The following MAN1A1 variants were observed in gnomAD, a reference collection of about 807,000 sequenced individuals.
The protein encoded by MAN1A1 is mannosidase alpha class 1A member 1.
Under a neutral mutation model 70.8 loss-of-function variants are expected in MAN1A1, and 29 were observed. The observed-to-expected ratio is 0.41, with a 90% confidence interval of 0.31 to 0.56. The LOEUF (loss-of-function observed/expected upper bound fraction) is 0.56. Ranked by LOEUF, MAN1A1 falls within the 20% of genes least tolerant of loss-of-function variation. The pLI is 0.29. For missense variants in MAN1A1, 747 were observed against 841.3 expected, an observed-to-expected ratio of 0.89 and a Z score of 1.39; for synonymous variants, 349 against 330.1, an observed-to-expected ratio of 1.06 and a Z score of -0.62.
At chr6:119,270,519 T>C (rs1032744769) in intron 5 of MAN1A1, among the ~76,000 whole-genome samples, 24 of 152,174 alleles carry the variant, frequency 1.6e-4, no homozygotes, top group African/African-American at 5.8e-4. Context: ...TCACTCCCCA[T>C]TTCCCTCCAA....
chr6:119,275,218 C>T (rs12196627), intron 5 of MAN1A1, among the ~76,000 whole-genome samples: 13 of 140,072 alleles, frequency 9.3e-5, no homozygotes, highest in Non-Finnish European at 1.7e-4. Context: ...TCAAGCAATT[C>T]TCCTGCCTCA....
chr6:119,192,751 C>T (rs1001789452), intron 9 of MAN1A1, among the ~76,000 whole-genome samples: 3 of 151,868 alleles, frequency 2.0e-5, no homozygotes, highest in Non-Finnish European at 4.4e-5. Flanking sequence ...ATATGTATTA[C>T]CACATAAAAT....
chr6:119,318,464 T>C (rs1562240513), intron 2 of MAN1A1, among the ~76,000 whole-genome samples: 1 of 152,204 alleles, frequency 6.6e-6, no homozygotes, highest in African/African-American at 2.4e-5. Context: ...GTGTGACCCA[T>C]GCAATCTGGG....
intron 6 of MAN1A1, among the ~76,000 whole-genome samples, chr6:119,240,517 G>A (rs1279326804): frequency 2.6e-5 from 4 of 152,018 alleles, no homozygotes; most frequent in African/African-American, 7.2e-5. Context: ...TGTGTTCAGA[G>A]GCAGATATGG....
chr6:119,298,058 C>G (rs565015840), intron 4 of MAN1A1, among the ~76,000 whole-genome samples: 1 of 152,188 alleles, frequency 6.6e-6, no homozygotes, highest in South Asian at 2.1e-4. Context: ...AGGGTAAATG[C>G]CTGATCCTTA....
At chr6:119,193,586 C>T (rs953232553) in intron 9 of MAN1A1, among the ~76,000 whole-genome samples, 191 bp downstream of exon 9, 2 of 152,134 alleles carry the variant, frequency 1.3e-5, no homozygotes, top group Admixed American at 1.3e-4. Flanking sequence ...AAAACTTTAA[C>T]GGCCCTATTA....
intron 6 of MAN1A1, among the ~76,000 whole-genome samples, chr6:119,221,240 A>C (rs1181931590): frequency 6.6e-6 from 1 of 152,164 alleles, no homozygotes; most frequent in Admixed American, 6.5e-5. Flanking sequence ...AATATTAAAA[A>C]GCATAAAAAA....
At chr6:119,323,387 AC>A (rs1773067723) in intron 2 of MAN1A1, among the ~76,000 whole-genome samples, 1 of 152,190 alleles carries the variant, frequency 6.6e-6, no homozygotes, top group African/African-American at 2.4e-5. Context: ...ATACCATGAG[AC>A]AAATGTATTT....
At chr6:119,218,529 CT>C (rs1269414540) in intron 6 of MAN1A1, among the ~76,000 whole-genome samples, 1 of 151,826 alleles carries the variant, frequency 6.6e-6, no homozygotes, top group Non-Finnish European at 1.5e-5. Flanking sequence ...CAAATAAGGT[CT>C]TTTCAATGTC....
rs544784990 is a variant in MAN1A1 at position 119,243,405 on chromosome 6, T to G, written c.992+4855A>C. On this transcript the variant is annotated intron_variant, in intron 6 of 12. Transcript: ENST00000368468. ...ATTTAATAATGCAGAAATTTATGCT[T>G]TAACTGTCAAGTAAAAACATAGGGA... 4.3e-4 allele frequency among the ~76,000 whole-genome samples: 65 copies of G among 152,218 alleles called. 3 individuals carry two copies. In the South Asian group the frequency reaches 0.013, roughly 31 times the overall value.
chr6:119,335,713 T>C (rs1041667880), intron 2 of MAN1A1, among the ~76,000 whole-genome samples: 12 of 152,174 alleles, frequency 7.9e-5, no homozygotes, highest in African/African-American at 2.7e-4. Context: ...CATGAGGACA[T>C]GGATTTTGAG....
chr6:119,322,676 C>T (rs750632793), intron 2 of MAN1A1, among the ~76,000 whole-genome samples: 16 of 152,268 alleles, frequency 1.1e-4, no homozygotes, highest in Admixed American at 3.9e-4. Flanking sequence ...GTGTTTAATC[C>T]GTCTCTTTTC....
chr6:119,257,016 T>C (rs985196833), intron 5 of MAN1A1, among the ~76,000 whole-genome samples: 8 of 152,140 alleles, frequency 5.3e-5, no homozygotes, highest in African/African-American at 1.9e-4. Flanking sequence ...AAGTGATACA[T>C]GCTGTAACTG....
At chr6:119,245,438 G>A (rs1775144572) in intron 6 of MAN1A1, among the ~76,000 whole-genome samples, 1 of 152,114 alleles carries the variant, frequency 6.6e-6, no homozygotes, top group Admixed American at 6.6e-5. Flanking sequence ...ATGTACAAAT[G>A]ACACCAACAG....
intron 6 of MAN1A1, among the ~76,000 whole-genome samples, chr6:119,215,976 C>T (rs1774189606): frequency 6.6e-6 from 1 of 152,108 alleles, no homozygotes; most frequent in Admixed American, 6.5e-5. Context: ...ATCGAATGAA[C>T]CTGCCAGTGA....
chr6:119,301,460 A>G (rs1355579898), intron 4 of MAN1A1, among the ~76,000 whole-genome samples: 3 of 152,190 alleles, frequency 2.0e-5, no homozygotes, highest in African/African-American at 7.2e-5. Context: ...AATATATCAC[A>G]TATATAATCA....
intron 4 of MAN1A1, among the ~76,000 whole-genome samples, chr6:119,295,295 T>C (rs1054760042): frequency 1.3e-4 from 20 of 152,142 alleles, no homozygotes; most frequent in African/African-American, 4.8e-4. Flanking sequence ...AGGCAACTTA[T>C]TCACCAAAAT....
At chr6:119,216,690 A>G (rs993259440) in intron 6 of MAN1A1, among the ~76,000 whole-genome samples, 2 of 152,178 alleles carry the variant, frequency 1.3e-5, no homozygotes, top group Non-Finnish European at 2.9e-5. Context: ...TTTTTCTGCA[A>G]TGGCTTTTCT....
chr6:119,184,242 G>T (rs1773228796), intron 11 of MAN1A1, among the ~76,000 whole-genome samples: 1 of 152,064 alleles, frequency 6.6e-6, no homozygotes. Context: ...CAGCCTCTAG[G>T]CATGGGGACC....
Sources: gnomAD v4.1 joint callset for allele counts (sites outside exome capture counted in the v4.1 genomes callset) on GRCh38, gnomAD v4.1.1 for gene constraint, MANE v1.5 for transcripts, NCBI Gene and HGNC (gene_info 2026-07-23, HGNC 2026-07-21) for gene names.